The following ANKS1B variants were observed in gnomAD, a reference collection of about 807,000 sequenced individuals.
ANKS1B encodes ankyrin repeat and sterile alpha motif domain containing 1B, also known as ankyrin repeat and sterile alpha motif domain-containing protein 1B.
A neutral mutation model predicts 148.3 loss-of-function variants in ANKS1B; 36 were observed. The observed-to-expected ratio is 0.24, with a 90% CI of 0.19 to 0.32. The LOEUF (loss-of-function observed/expected upper bound fraction) is 0.32. Among genes scored for constraint, ANKS1B ranks in the 10% least tolerant of loss-of-function variants. The pLI, the probability that ANKS1B is intolerant of heterozygous loss-of-function variation, is 1.00. For missense variants in ANKS1B, 1,157 were observed against 1,542.6 expected, an observed-to-expected ratio of 0.75 and a Z score of 4.19; for synonymous variants, 542 against 560.8, an observed-to-expected ratio of 0.97 and a Z score of 0.47.
At chr12:99,214,086 AT>A (rs1185938412) in intron 14 of ANKS1B, among the ~76,000 whole-genome samples, 2 of 151,646 alleles carry the variant, frequency 1.3e-5, no homozygotes, top group African/African-American at 2.4e-5. Context: ...TACATTACTT[AT>A]TTTTTTATGT....
intron 1 of ANKS1B, among the ~76,000 whole-genome samples, chr12:99,837,647 A>G (rs1049904023): frequency 3.3e-5 from 5 of 152,208 alleles, no homozygotes; most frequent in Non-Finnish European, 5.9e-5. Flanking sequence ...TTTATCAAAG[A>G]TCACACAGCT....
intron 4 of ANKS1B, among the ~76,000 whole-genome samples, chr12:99,785,896 G>A (rs1297752504): frequency 6.6e-6 from 1 of 152,130 alleles, no homozygotes; most frequent in Non-Finnish European, 1.5e-5. Context: ...GGCATGATAT[G>A]TAGATACTGA....
chr12:99,295,195 T>C (rs1375090558), intron 12 of ANKS1B, among the ~76,000 whole-genome samples: 1 of 152,228 alleles, frequency 6.6e-6, no homozygotes, highest in Non-Finnish European at 1.5e-5. Flanking sequence ...CTACCAGCAA[T>C]GTATGAGAGT....
At chr12:99,377,561 G>A (rs1172358381) in intron 12 of ANKS1B, among the ~76,000 whole-genome samples, 2 of 152,118 alleles carry the variant, frequency 1.3e-5, no homozygotes, top group African/African-American at 4.8e-5. Flanking sequence ...CTAGTACAAA[G>A]CATTCAGTCA....
rs143804841 is a variant in ANKS1B, at chr12:98,896,427, C to T, written c.2779-64291G>A. 1.9e-3 allele frequency among the ~76,000 whole-genome samples: 291 copies of T among 152,214 alleles called. 1 individual carries two copies. The highest frequency in any genetic ancestry group is 3.2e-3 in the Non-Finnish European group (218 of 68,018). ...TCTATGAAGGTTTCATTATATTATC[C>T]TCACTTTACAGATTAAAAAAAAGGC... On this transcript the variant is annotated intron_variant, in intron 17 of 26. Coordinates refer to ENST00000683438, the MANE Select transcript of ANKS1B (RefSeq NM_001352186.2).
intron 26 of ANKS1B, among the ~76,000 whole-genome samples, chr12:98,750,960 C>A (rs116223890): frequency 0.028 from 4,298 of 152,340 alleles, 109 homozygotes; most frequent in African/African-American, 0.071. Flanking sequence ...TGTACCTCTG[C>A]AAACCTCTCT....
chr12:99,327,153 A>C (rs1200485275), intron 12 of ANKS1B, among the ~76,000 whole-genome samples: 1 of 120,040 alleles, frequency 8.3e-6, no homozygotes, highest in African/African-American at 3.3e-5. Flanking sequence ...AATAATATAT[A>C]ATATATAATA....
intron 8 of ANKS1B, among the ~76,000 whole-genome samples, chr12:99,684,346 T>A (rs1599634592): frequency 8.3e-6 from 1 of 120,370 alleles, no homozygotes; most frequent in African/African-American, 3.3e-5. Context: ...AATCAAGAAC[T>A]CAACTCCTTT....
chr12:99,804,728 A>T (rs1436622627), intron 4 of ANKS1B, among the ~76,000 whole-genome samples: 5 of 152,170 alleles, frequency 3.3e-5, no homozygotes, highest in Non-Finnish European at 7.3e-5. Context: ...CTTCTAATAC[A>T]GAGGTAGACT....
intron 9 of ANKS1B, among the ~76,000 whole-genome samples, chr12:99,543,336 A>G (rs936052364): frequency 2.1e-4 from 32 of 152,146 alleles, no homozygotes; most frequent in African/African-American, 6.8e-4. Flanking sequence ...GTTGGCAAGG[A>G]TATGGAAAAA....
chr12:99,637,980 AC>A (rs889754675), intron 9 of ANKS1B, among the ~76,000 whole-genome samples: 3 of 151,560 alleles, frequency 2.0e-5, no homozygotes, highest in African/African-American at 7.3e-5. Flanking sequence ...GGGGATGGTT[AC>A]CCCCATCCTG....
chr12:99,808,459 AC>A (rs1351986327), intron 3 of ANKS1B, among the ~76,000 whole-genome samples: 1 of 152,132 alleles, frequency 6.6e-6, no homozygotes, highest in Non-Finnish European at 1.5e-5. Flanking sequence ...CTCTTTCAAG[AC>A]AATCAATGAA....
At chr12:98,971,597 T>A (rs368532864) in intron 17 of ANKS1B, among the ~76,000 whole-genome samples, 1 of 152,204 alleles carries the variant, frequency 6.6e-6, no homozygotes, top group Admixed American at 6.5e-5. Flanking sequence ...ATGGTACGGA[T>A]AACTAGACTC....
chr12:99,628,308 G>T (rs1488519519), intron 9 of ANKS1B, among the ~76,000 whole-genome samples: 1 of 152,074 alleles, frequency 6.6e-6, no homozygotes, highest in Non-Finnish European at 1.5e-5. Context: ...GTCTCATTTA[G>T]AAATTAGTTT....
At chr12:98,925,811 A>G (rs1476370947) in intron 17 of ANKS1B, among the ~76,000 whole-genome samples, 1 of 152,196 alleles carries the variant, frequency 6.6e-6, no homozygotes, top group Non-Finnish European at 1.5e-5. Flanking sequence ...TCCTTAAGAA[A>G]GCTCCATTCT....
chr12:99,742,194 C>T (rs1240726498), intron 8 of ANKS1B, among the ~76,000 whole-genome samples: 3 of 150,474 alleles, frequency 2.0e-5, no homozygotes, highest in African/African-American at 7.3e-5. Context: ...TATGTACAAA[C>T]CCCCATGACA....
At chr12:99,914,855 CG>C (rs1296547374) in intron 1 of ANKS1B, among the ~76,000 whole-genome samples, 2 of 152,056 alleles carry the variant, frequency 1.3e-5, no homozygotes, top group African/African-American at 2.4e-5. Flanking sequence ...ACATACCTGA[CG>C]GGGGTGCCTT....
intron 17 of ANKS1B, among the ~76,000 whole-genome samples, chr12:98,875,325 TCTCC>T (rs544308429): frequency 4.6e-5 from 7 of 152,136 alleles, no homozygotes; most frequent in Non-Finnish European, 8.8e-5. Flanking sequence ...CCATGTAAAT[TCTCC>T]CTGTTTAAAA....
intron 15 of ANKS1B, among the ~76,000 whole-genome samples, chr12:99,103,596 G>T (rs2058494286): frequency 1.3e-5 from 2 of 151,932 alleles, no homozygotes; most frequent in African/African-American, 4.8e-5. Flanking sequence ...AACAAGGAAG[G>T]GATTCAATCA....
Sources: gnomAD v4.1 joint callset for allele counts (sites outside exome capture counted in the v4.1 genomes callset) on GRCh38, gnomAD v4.1.1 for gene constraint, MANE v1.5 for transcripts, NCBI Gene and HGNC (gene_info 2026-07-23, HGNC 2026-07-21) for gene names.